PTPRD: variants seen among roughly 807,000 people sequenced by gnomAD.
The protein encoded by PTPRD is receptor-type tyrosine-protein phosphatase delta.
A neutral mutation model predicts 214.5 loss-of-function variants in PTPRD; 34 were observed. The observed-to-expected ratio is 0.16, with a 90% CI of 0.12 to 0.21. The LOEUF (loss-of-function observed/expected upper bound fraction) is 0.21. Ranked by LOEUF, PTPRD falls within the 10% of genes least tolerant of loss-of-function variation. The probability of loss-of-function intolerance (pLI) is 1.00; values close to 1 mark genes in which losing one functional copy is unlikely to be tolerated. For synonymous variants in PTPRD, 1,128 were observed against 845.7 expected (o/e 1.33, Z -5.79); for missense variants, 2,545 against 2,398.7 (o/e 1.06, Z -1.27).
At chr9:8,564,881 C>G (rs573533755) in intron 14 of PTPRD, among the ~76,000 whole-genome samples, 2 of 151,912 alleles carry the variant, frequency 1.3e-5, no homozygotes, top group South Asian at 2.1e-4. Flanking sequence ...ATAATCTAAG[C>G]AAAATAAATA....
At position 8,538,152 on chromosome 9, in the gene PTPRD, T is replaced by C. The variant is rs1010204290; in HGVS notation, c.353-9373A>G. 3.3e-5 allele frequency among the ~76,000 whole-genome samples: 5 copies of C among 152,108 alleles called. 1 individual carries two copies. Among genetic ancestry groups the C allele is most frequent in the Admixed American group, 6.6e-5 (1 of 15,244 alleles). Reference sequence around the variant, plus strand: ...CACTTTCACAAATCTCATTATTCCCTATCAATTTATATTTATCAACAAGCA... The same window carrying C: ...CACTTTCACAAATCTCATTATTCCCCATCAATTTATATTTATCAACAAGCA... On this transcript the variant is annotated intron_variant, in intron 14 of 45. Transcript: ENST00000381196.
chr9:9,107,330 G>A (rs1368847470), intron 10 of PTPRD, among the ~76,000 whole-genome samples: 3 of 152,124 alleles, frequency 2.0e-5, no homozygotes, highest in Non-Finnish European at 2.9e-5. Context: ...CACTGCTGGC[G>A]TTAAAACACT....
At chr9:9,079,341 A>G (rs1215438537) in intron 10 of PTPRD, among the ~76,000 whole-genome samples, 4 of 152,058 alleles carry the variant, frequency 2.6e-5, no homozygotes, top group Non-Finnish European at 5.9e-5. Flanking sequence ...TTCACTTAAT[A>G]TCCTTCAGTT....
chr9:9,120,009 A>G (rs1261092704), intron 10 of PTPRD, among the ~76,000 whole-genome samples: 1 of 152,168 alleles, frequency 6.6e-6, no homozygotes, highest in Non-Finnish European at 1.5e-5. Context: ...TTTGGGACAT[A>G]ATGGTTGAAT....
chr9:9,156,624 C>G (rs1197182989), intron 10 of PTPRD, among the ~76,000 whole-genome samples: 6 of 152,020 alleles, frequency 3.9e-5, no homozygotes, highest in Non-Finnish European at 8.8e-5. Flanking sequence ...ACATCCATTT[C>G]AATGATTCAC....
chr9:8,665,084 A>T (rs146773739), intron 12 of PTPRD, among the ~76,000 whole-genome samples: 9 of 152,218 alleles, frequency 5.9e-5, no homozygotes, highest in South Asian at 2.1e-4. Flanking sequence ...GCAAAAAAAA[A>T]ATATGTTCGC....
At chr9:9,014,182 T>TG (rs1191400678) in intron 11 of PTPRD, among the ~76,000 whole-genome samples, 2 of 115,596 alleles carry the variant, frequency 1.7e-5, no homozygotes, top group African/African-American at 6.6e-5. Context: ...ACCTCGTTTT[T>TG]TTTTGTTTGT....
At chr9:9,889,198 C>T (rs1055770902) in intron 5 of PTPRD, among the ~76,000 whole-genome samples, 42 of 151,832 alleles carry the variant, frequency 2.8e-4, no homozygotes, top group African/African-American at 1.0e-3. Flanking sequence ...ATTTATTGTA[C>T]AATGTACTGA....
intron 37 of PTPRD, among the ~76,000 whole-genome samples, chr9:8,383,745 A>AT: frequency 6.6e-6 from 1 of 152,292 alleles, no homozygotes; most frequent in East Asian, 1.9e-4. Context: ...CAACATTTAT[A>AT]ACGCTAAGTA....
chr9:9,663,727 T>C (rs547790609), intron 7 of PTPRD, among the ~76,000 whole-genome samples: 23 of 151,680 alleles, frequency 1.5e-4, no homozygotes, highest in Middle Eastern at 3.4e-3. Context: ...CAAAATTACA[T>C]AGAACTTCAC....
At chr9:9,783,278 C>G (rs1035603483) in intron 5 of PTPRD, among the ~76,000 whole-genome samples, 12 of 152,172 alleles carry the variant, frequency 7.9e-5, no homozygotes, top group African/African-American at 2.4e-4. Context: ...TTAAAGTGAG[C>G]GTATTATACA....
At chr9:8,831,458 A>G (rs2097289823) in intron 11 of PTPRD, among the ~76,000 whole-genome samples, 2 of 152,200 alleles carry the variant, frequency 1.3e-5, no homozygotes, top group African/African-American at 2.4e-5. Context: ...AATACATTAT[A>G]TAACATGCTC....
chr9:9,299,324 T>A (rs888709435), intron 9 of PTPRD, among the ~76,000 whole-genome samples: 2 of 151,744 alleles, frequency 1.3e-5, no homozygotes, highest in Non-Finnish European at 2.9e-5. Context: ...CATTTGGCAA[T>A]GTCTGGTAAC....
intron 2 of PTPRD, among the ~76,000 whole-genome samples, chr9:10,441,330 T>C (rs1205282646): frequency 6.6e-6 from 1 of 151,800 alleles, no homozygotes; most frequent in Non-Finnish European, 1.5e-5. Flanking sequence ...AAGATGGACT[T>C]CCTTTACTCT....
At chr9:8,620,723 A>C (rs1039674056) in intron 14 of PTPRD, among the ~76,000 whole-genome samples, 1 of 151,976 alleles carries the variant, frequency 6.6e-6, no homozygotes, top group Non-Finnish European at 1.5e-5. Flanking sequence ...CAGTAAAGGA[A>C]AAAAATAGTA....
At chr9:9,505,570 T>C (rs1256761004) in intron 8 of PTPRD, among the ~76,000 whole-genome samples, 4 of 151,452 alleles carry the variant, frequency 2.6e-5, no homozygotes, top group Non-Finnish European at 5.9e-5. Context: ...TCTTTAAAGA[T>C]ATGGCTCAAG....
chr9:8,796,432 T>C (rs184988055), intron 11 of PTPRD, among the ~76,000 whole-genome samples: 74 of 152,280 alleles, frequency 4.9e-4, no homozygotes, highest in Middle Eastern at 3.4e-3. Context: ...CCCACTAAAT[T>C]ACAATTATCA....
At chr9:10,117,353 A>C (rs747745056) in intron 3 of PTPRD, among the ~76,000 whole-genome samples, 25 of 152,112 alleles carry the variant, frequency 1.6e-4, no homozygotes, top group Non-Finnish European at 2.9e-4. Context: ...GTCTATGGAC[A>C]ATGTATTAAT....
intron 34 of PTPRD, among the ~76,000 whole-genome samples, chr9:8,448,155 C>G (rs1317544300): frequency 6.6e-6 from 1 of 151,714 alleles, no homozygotes; most frequent in South Asian, 2.1e-4. Context: ...CCAAACTCCA[C>G]CTCCACAAAA....
Sources: allele counts gnomAD v4.1 joint callset (sites outside exome capture counted in the v4.1 genomes callset), GRCh38; gene constraint gnomAD v4.1.1; transcripts MANE v1.5; gene names NCBI Gene and HGNC (gene_info 2026-07-23, HGNC 2026-07-21).